PAPPA2: variants seen among roughly 807,000 people sequenced by gnomAD.
PAPPA2 encodes the protein pappalysin-2.
A neutral mutation model predicts 176.4 loss-of-function variants in PAPPA2; 86 were observed. That is an observed-to-expected ratio of 0.49 (90% CI 0.41 to 0.58). The LOEUF (loss-of-function observed/expected upper bound fraction) is 0.58, where lower values mean the gene tolerates loss of function less well. Among genes scored for constraint, PAPPA2 ranks in the 20% least tolerant of loss-of-function variants. The pLI is 0.00. For synonymous variants in PAPPA2, 809 were observed against 852.2 expected (o/e 0.95, Z 0.88); for missense variants, 2,073 against 2,256.9 (o/e 0.92, Z 1.65).
At chr1:176,620,248 C>A (rs1655508888) in intron 3 of PAPPA2, among the ~76,000 whole-genome samples, 1 of 152,084 alleles carries the variant, frequency 6.6e-6, no homozygotes, top group South Asian at 2.1e-4. Context: ...ATGACCATCA[C>A]CTTGGGCATT....
chr1:176,638,540 C>A (rs1357258887), intron 3 of PAPPA2, among the ~76,000 whole-genome samples: 1 of 151,926 alleles, frequency 6.6e-6, no homozygotes, highest in African/African-American at 2.4e-5. Flanking sequence ...CCAGTCTCCC[C>A]CATTATTTAG....
At position 176,556,769 on chromosome 1, in the gene PAPPA2, C is replaced by T; in HGVS notation, c.447C>T (p.Gly149=). Residue 149 remains glycine, a synonymous_variant, in exon 2 of 23, where the codon GGC becomes GGT. Coordinates refer to ENST00000367662, the MANE Select transcript of PAPPA2 (RefSeq NM_020318.3). ...TGGGAGATGATGACGCTTATCTCGG[C>T]AATCAAAGATCCAAGGAGTCTCTAG... ...ELLGDDDAYL[G]NQRSKESLGE... 1 of 1,614,130 alleles carries T rather than the reference C, an allele frequency of 6.2e-7. No individual in the cohort carries two copies. The highest frequency in any genetic ancestry group is 8.5e-7 in the Non-Finnish European group (1 of 1,180,016).
chr1:176,827,153 T>C (rs997864894), intron 21 of PAPPA2, among the ~76,000 whole-genome samples: 4 of 152,222 alleles, frequency 2.6e-5, no homozygotes, highest in Non-Finnish European at 5.9e-5. Context: ...CTGTTCTTCT[T>C]CGTTCATATT....
chr1:176,789,565 TA>T (rs1331645287), intron 17 of PAPPA2, among the ~76,000 whole-genome samples: 1 of 152,040 alleles, frequency 6.6e-6, no homozygotes, highest in Non-Finnish European at 1.5e-5. Context: ...TAATAAAATT[TA>T]AAAAAAGAGT....
intron 3 of PAPPA2, among the ~76,000 whole-genome samples, chr1:176,663,084 G>A (rs1558504321): frequency 2.0e-5 from 3 of 152,090 alleles, no homozygotes; most frequent in Non-Finnish European, 2.9e-5. Flanking sequence ...TGAAGTTGGG[G>A]CTAATCACTA....
intron 2 of PAPPA2, among the ~76,000 whole-genome samples, chr1:176,577,150 G>A (rs1652695925): frequency 6.6e-6 from 1 of 152,022 alleles, no homozygotes; most frequent in Admixed American, 6.6e-5. Flanking sequence ...ACTGTGCCAG[G>A]AACCACGCCA....
intron 3 of PAPPA2, among the ~76,000 whole-genome samples, chr1:176,669,588 T>C (rs1302125236): frequency 6.6e-6 from 1 of 152,166 alleles, no homozygotes; most frequent in East Asian, 1.9e-4. Context: ...GGGTGATTTC[T>C]TGTGGCTGAG....
chr1:176,810,842 G>A (rs1317601295), intron 21 of PAPPA2, among the ~76,000 whole-genome samples: 1 of 152,190 alleles, frequency 6.6e-6, no homozygotes, highest in Non-Finnish European at 1.5e-5. Context: ...CTGGTCTAGA[G>A]TGTGGGGAAA....
intron 17 of PAPPA2, among the ~76,000 whole-genome samples, chr1:176,787,398 CT>C (rs1664988293): frequency 6.6e-6 from 1 of 151,960 alleles, no homozygotes; most frequent in South Asian, 2.1e-4. Context: ...CTGTGCCTGG[CT>C]AATTTTTGCA....
At chr1:176,652,624 T>C (rs991128535) in intron 3 of PAPPA2, among the ~76,000 whole-genome samples, 2 of 151,800 alleles carry the variant, frequency 1.3e-5, no homozygotes, top group Non-Finnish European at 3.0e-5. Context: ...TTTCCAGGGC[T>C]GGGGATGGTA....
At chr1:176,620,547 C>G (rs1655525762) in intron 3 of PAPPA2, among the ~76,000 whole-genome samples, 1 of 152,138 alleles carries the variant, frequency 6.6e-6, no homozygotes, top group Non-Finnish European at 1.5e-5. Context: ...GCAGACCTTA[C>G]AATTTCTGTC....
At chr1:176,498,996 CT>C (rs1647804604) in intron 1 of PAPPA2, among the ~76,000 whole-genome samples, 1 of 152,070 alleles carries the variant, frequency 6.6e-6, no homozygotes, top group African/African-American at 2.4e-5. Context: ...TTTCTTTTTA[CT>C]TTTTTTCTAA....
chr1:176,823,539 G>C (rs564728149), intron 21 of PAPPA2, among the ~76,000 whole-genome samples: 33 of 152,288 alleles, frequency 2.2e-4, no homozygotes, highest in Admixed American at 2.0e-3. Flanking sequence ...TAAAATTGCA[G>C]TGATTTACCA....
intron 12 of PAPPA2, among the ~76,000 whole-genome samples, chr1:176,723,752 T>C (rs1004853965): frequency 2.6e-5 from 4 of 152,298 alleles, no homozygotes; most frequent in African/African-American, 9.6e-5. Context: ...GTTTTTCTTT[T>C]CTTCTAATCT....
intron 1 of PAPPA2, among the ~76,000 whole-genome samples, chr1:176,551,488 C>G (rs972000654): frequency 6.6e-6 from 1 of 152,318 alleles, no homozygotes; most frequent in East Asian, 1.9e-4. Flanking sequence ...TAAGGGGCAT[C>G]TCTCTTTCTC....
chr1:176,694,134 T>C (rs913115837), intron 6 of PAPPA2, among the ~76,000 whole-genome samples: 1 of 152,122 alleles, frequency 6.6e-6, no homozygotes, highest in African/African-American at 2.4e-5. Flanking sequence ...CCCCAGCAGG[T>C]ATTTGGAACC....
At chr1:176,756,658 T>C (rs1422477274) in intron 14 of PAPPA2, among the ~76,000 whole-genome samples, 1 of 152,148 alleles carries the variant, frequency 6.6e-6, no homozygotes, top group Non-Finnish European at 1.5e-5. Context: ...GGCTGTGTAA[T>C]GTAAATCTGT....
intron 4 of PAPPA2, among the ~76,000 whole-genome samples, chr1:176,682,633 A>G (rs1238442962): frequency 7.6e-6 from 1 of 130,774 alleles, no homozygotes. Context: ...AAAATATCCA[A>G]TAAATTATTA....
chr1:176,676,199 C>A (rs1659283568), intron 4 of PAPPA2, among the ~76,000 whole-genome samples: 1 of 151,950 alleles, frequency 6.6e-6, no homozygotes, highest in Non-Finnish European at 1.5e-5. Flanking sequence ...CATACACTTG[C>A]CATATGATCC....
Sources: allele counts gnomAD v4.1 joint callset (sites outside exome capture counted in the v4.1 genomes callset), GRCh38; gene constraint gnomAD v4.1.1; transcripts MANE v1.5; gene names NCBI Gene and HGNC (gene_info 2026-07-23, HGNC 2026-07-21).